Variants in CUL5 observed in about 807,000 individuals in gnomAD.
CUL5 encodes cullin-5.
Under a neutral mutation model 108.8 loss-of-function variants are expected in CUL5, and 26 were observed. That is an observed-to-expected ratio of 0.24 (90% CI 0.18 to 0.33). CUL5 has a LOEUF of 0.33. CUL5 is among the 10% of genes least tolerant of loss of function. The probability of loss-of-function intolerance (pLI) is 1.00; values close to 1 mark genes in which losing one functional copy is unlikely to be tolerated. For synonymous variants in CUL5, 334 were observed against 298.0 expected (o/e 1.12, Z -1.25); for missense variants, 524 against 909.2 (o/e 0.58, Z 5.45).
chr11:108,029,866 T>TA (rs1283200452), intron 1 of CUL5, among the ~76,000 whole-genome samples: 2 of 152,204 alleles, frequency 1.3e-5, no homozygotes, highest in African/African-American at 4.8e-5. Flanking sequence ...TCTACTCTGG[T>TA]ACTCTGCACC....
At chr11:108,039,454 A>G (rs771844278) in intron 2 of CUL5, among the ~76,000 whole-genome samples, 2 of 152,238 alleles carry the variant, frequency 1.3e-5, no homozygotes, top group African/African-American at 2.4e-5. Context: ...TAGGGGAACA[A>G]TACCTTCCTT....
intron 7 of CUL5, among the ~76,000 whole-genome samples, chr11:108,057,004 T>C (rs890286045): frequency 2.6e-5 from 4 of 152,190 alleles, no homozygotes; most frequent in African/African-American, 9.7e-5. Context: ...TTGTTGTAGA[T>C]TGACGTACAT....
chr11:108,046,172 A>G lies in CUL5; in HGVS notation c.135-98A>G. Reference sequence around the variant, plus strand: ...ATTCAGACACCATTTACTTGGTTCTAATATGGCCCATGGAAACTGTACTGA... The same window carrying G: ...ATTCAGACACCATTTACTTGGTTCTGATATGGCCCATGGAAACTGTACTGA... On this transcript the variant is annotated intron_variant, in intron 2 of 18. Transcript: ENST00000393094. The G allele has an allele frequency of 6.4e-6, 5 of 781,670 alleles. No homozygotes were observed. The Admixed American group carries it at 8.1e-5, about 13-fold the overall frequency. 48.4% of individuals were successfully genotyped at this position (781,670 alleles called of 1,614,324 possible). A position where few individuals can be genotyped will look rare whatever the true frequency, so the allele number is the denominator to read the frequency against.
At chr11:108,097,173 C>T (rs1431237663) in intron 16 of CUL5, among the ~76,000 whole-genome samples, 2 of 152,098 alleles carry the variant, frequency 1.3e-5, no homozygotes, top group African/African-American at 2.4e-5. Context: ...GCATGCCCCA[C>T]GCTGGCTAAT....
intron 13 of CUL5, among the ~76,000 whole-genome samples, chr11:108,090,470 G>A (rs981172644): frequency 3.9e-5 from 6 of 152,104 alleles, no homozygotes; most frequent in Non-Finnish European, 5.9e-5. Flanking sequence ...CAGCCTGGGT[G>A]ACAGAGCAAG....
intron 2 of CUL5, among the ~76,000 whole-genome samples, chr11:108,045,357 T>G (rs1350473630): frequency 6.6e-6 from 1 of 152,242 alleles, no homozygotes; most frequent in African/African-American, 2.4e-5. Context: ...TTTGGGAGGC[T>G]GAGGCAGGAG....
At chr11:108,046,848 A>G (rs1291766301) in intron 3 of CUL5, among the ~76,000 whole-genome samples, 1 of 152,246 alleles carries the variant, frequency 6.6e-6, no homozygotes, top group Non-Finnish European at 1.5e-5. Context: ...ATTTTGATCA[A>G]AAATCAAAAG....
At chr11:108,054,044 C>T (rs1417738770) in intron 5 of CUL5, among the ~76,000 whole-genome samples, 1 of 152,050 alleles carries the variant, frequency 6.6e-6, no homozygotes, top group Non-Finnish European at 1.5e-5. Context: ...CGGGGTTTTG[C>T]CATAGTGGCC....
chr11:108,036,617 A>G (rs1038994146), intron 2 of CUL5, among the ~76,000 whole-genome samples: 1 of 152,118 alleles, frequency 6.6e-6, no homozygotes, highest in Non-Finnish European at 1.5e-5. Context: ...AGCTGGGACT[A>G]CAGGTACCCA....
rs900800680 is a variant in CUL5 at position 108,104,759 on chromosome 11, A to G, written c.*375A>G. ...CTTAAAAAATGTACTTGCACAAGGAAGGATCTTCAGATATTCATGCACTGA... is the reference window on the plus strand; with the variant it reads ...CTTAAAAAATGTACTTGCACAAGGAGGGATCTTCAGATATTCATGCACTGA... On this transcript the variant is annotated 3_prime_UTR_variant, in exon 19 of 19. Transcript: ENST00000393094. The G allele has an allele frequency of 6.4e-6, 1 of 156,652 alleles. No homozygotes were observed. Among genetic ancestry groups the G allele is most frequent in the Admixed American group, 6.5e-5 (1 of 15,370 alleles). The allele number at this position is 156,652 out of a possible 1,614,324, so 9.7% of individuals were successfully genotyped here.
intron 7 of CUL5, among the ~76,000 whole-genome samples, chr11:108,062,300 T>C (rs1471367089): frequency 6.6e-6 from 1 of 152,040 alleles, no homozygotes; most frequent in African/African-American, 2.4e-5. Context: ...GGAAATTAGA[T>C]AGCTGAGGTA....
At chr11:108,078,733 TAA>T (rs1863999305) in intron 11 of CUL5, among the ~76,000 whole-genome samples, 1 of 152,100 alleles carries the variant, frequency 6.6e-6, no homozygotes, top group African/African-American at 2.4e-5. Flanking sequence ...AAAGGTTAGT[TAA>T]AAAAAGTCTT....
chr11:108,027,781 G>C (rs914788255), intron 1 of CUL5, among the ~76,000 whole-genome samples: 4 of 152,090 alleles, frequency 2.6e-5, no homozygotes, highest in African/African-American at 9.7e-5. Context: ...AAAAACTTCT[G>C]TGGACAAAGT....
intron 1 of CUL5, among the ~76,000 whole-genome samples, chr11:108,013,572 C>T (rs1193883165): frequency 1.3e-5 from 2 of 152,136 alleles, no homozygotes; most frequent in African/African-American, 4.8e-5. Context: ...GTCGTCATCT[C>T]CCTAATAACT....
chr11:108,037,552 G>A (rs1862778249), intron 2 of CUL5, among the ~76,000 whole-genome samples: 1 of 152,180 alleles, frequency 6.6e-6, no homozygotes, highest in Admixed American at 6.5e-5. Flanking sequence ...CAGGAGAAAC[G>A]AAATCCAAAC....
chr11:108,029,554 GGC>G (rs1862526902), intron 1 of CUL5, among the ~76,000 whole-genome samples: 1 of 152,124 alleles, frequency 6.6e-6, no homozygotes, highest in Admixed American at 6.6e-5. Context: ...TTATTAATAA[GGC>G]ATTCTGTTTT....
intron 7 of CUL5, among the ~76,000 whole-genome samples, chr11:108,068,893 TA>T (rs1336669109): frequency 6.6e-6 from 1 of 152,140 alleles, no homozygotes; most frequent in Non-Finnish European, 1.5e-5. Flanking sequence ...CCACCTGCCT[TA>T]CTACCATTAT....
chr11:108,043,550 G>A (rs942753450), intron 2 of CUL5, among the ~76,000 whole-genome samples: 9 of 152,172 alleles, frequency 5.9e-5, no homozygotes, highest in Non-Finnish European at 1.0e-4. Context: ...TTAGCTTCTT[G>A]TTTAATAGAT....
intron 11 of CUL5, among the ~76,000 whole-genome samples, chr11:108,087,992 A>G (rs1176050728): frequency 6.6e-6 from 1 of 152,086 alleles, no homozygotes; most frequent in Non-Finnish European, 1.5e-5. Context: ...AATTTGTATC[A>G]GGAAAGTGAA....
Sources: gnomAD v4.1 joint callset for allele counts (sites outside exome capture counted in the v4.1 genomes callset) on GRCh38, gnomAD v4.1.1 for gene constraint, MANE v1.5 for transcripts, NCBI Gene and HGNC (gene_info 2026-07-23, HGNC 2026-07-21) for gene names.